NWD2: variants seen among roughly 807,000 people sequenced by gnomAD.
NWD2 encodes NACHT and WD repeat domain containing 2.
Under a neutral mutation model 132.7 loss-of-function variants are expected in NWD2, and 37 were observed. That is an observed-to-expected ratio of 0.28 (90% CI 0.21 to 0.37). The LOEUF is 0.37. Ranked by LOEUF, NWD2 falls within the 10% of genes least tolerant of loss-of-function variation. NWD2 has a pLI of 1.00. For synonymous variants in NWD2, 705 were observed against 803.0 expected (o/e 0.88, Z 2.06); for missense variants, 1,592 against 2,122.4 (o/e 0.75, Z 4.91).
intron 1 of NWD2, among the ~76,000 whole-genome samples, chr4:37,313,285 G>A (rs1577664688): frequency 1.3e-5 from 2 of 151,154 alleles, no homozygotes; most frequent in Middle Eastern, 3.4e-3. Flanking sequence ...GTGAGCTGTT[G>A]ATTATTGCCA....
chr4:37,382,822 C>G (rs919376594), intron 3 of NWD2, among the ~76,000 whole-genome samples: 1 of 152,022 alleles, frequency 6.6e-6, no homozygotes, highest in Admixed American at 6.6e-5. Context: ...TCCCGAGTAG[C>G]TGGGATTACA....
chr4:37,358,545 T>G (rs1287516018), intron 3 of NWD2, among the ~76,000 whole-genome samples: 1 of 152,190 alleles, frequency 6.6e-6, no homozygotes, highest in Non-Finnish European at 1.5e-5. Flanking sequence ...TATAGCTTCC[T>G]CTCAGGTTTT....
chr4:37,400,309 T>G (rs1393585466), intron 3 of NWD2, among the ~76,000 whole-genome samples: 2 of 152,202 alleles, frequency 1.3e-5, no homozygotes, highest in African/African-American at 2.4e-5. Flanking sequence ...GAAATTACCT[T>G]TGTGAGTTGT....
At chr4:37,385,649 AG>A (rs200985328) in intron 3 of NWD2, among the ~76,000 whole-genome samples, 2,919 of 152,316 alleles carry the variant, frequency 0.019, 95 homozygotes, top group African/African-American at 0.066. Context: ...GCACAACAAA[AG>A]TTCCACCTTA....
At chr4:37,333,509 G>A (rs1719336156) in intron 2 of NWD2, among the ~76,000 whole-genome samples, 2 of 152,144 alleles carry the variant, frequency 1.3e-5, no homozygotes, top group Non-Finnish European at 2.9e-5. Flanking sequence ...GTGTTACTGG[G>A]CTTGGAGTAT....
At chr4:37,337,389 C>T (rs1431783419) in intron 2 of NWD2, among the ~76,000 whole-genome samples, 3 of 152,006 alleles carry the variant, frequency 2.0e-5, no homozygotes, top group Non-Finnish European at 1.5e-5. Context: ...CTGGTCCCAG[C>T]CCTTTTCCTT....
intron 1 of NWD2, among the ~76,000 whole-genome samples, chr4:37,281,120 G>T (rs539665458): frequency 7.9e-5 from 12 of 152,190 alleles, no homozygotes; most frequent in African/African-American, 2.4e-4. Context: ...ACAGTCCAAG[G>T]GGGGGACATG....
chr4:37,284,831 TC>T (rs1718194537), intron 1 of NWD2, among the ~76,000 whole-genome samples: 1 of 152,118 alleles, frequency 6.6e-6, no homozygotes, highest in South Asian at 2.1e-4. Flanking sequence ...TCTCCTTGTG[TC>T]CCTTCAATGG....
Position 37,444,053 on chromosome 4 carries a change from A to G in NWD2, c.2065A>G (p.Ser689Gly). Residue 689 changes from serine to glycine, a missense_variant, in exon 7 of 7, where the codon AGT becomes GGT. Physicochemically the swap from Ser to Gly is moderately conservative, Grantham distance 56 (BLOSUM62 0). Coordinates refer to ENST00000309447, the MANE Select transcript of NWD2 (RefSeq NM_001144990.2). The surrounding 1 kb of genome is among the most constrained non-coding windows in gnomAD (Gnocchi z 4.8). ...DVLALDNSVM[S>G]ELKENTRPSN... ...GTTAGCCCTAGACAACAGTGTAATGAGTGAGCTCAAAGAAAACACCAGACC... is the reference window on the plus strand; with the variant it reads ...GTTAGCCCTAGACAACAGTGTAATGGGTGAGCTCAAAGAAAACACCAGACC... 1 of 1,551,882 alleles carries G rather than the reference A, an allele frequency of 6.4e-7. No individual in the cohort carries two copies. The highest frequency in any genetic ancestry group is 8.7e-7 in the Non-Finnish European group (1 of 1,147,038).
chr4:37,396,955 C>A (rs1170844715), intron 3 of NWD2, among the ~76,000 whole-genome samples: 1 of 152,048 alleles, frequency 6.6e-6, no homozygotes, highest in Non-Finnish European at 1.5e-5. Flanking sequence ...ATTGCTTGAA[C>A]CCAGGAGGCG....
chr4:37,402,417 A>G (rs1244774287), intron 3 of NWD2, among the ~76,000 whole-genome samples: 3 of 152,326 alleles, frequency 2.0e-5, no homozygotes, highest in Non-Finnish European at 4.4e-5. Flanking sequence ...CCCAGCAACA[A>G]ACATGGTGAT....
At chr4:37,344,925 A>G (rs563459358) in intron 2 of NWD2, among the ~76,000 whole-genome samples, 14 of 152,244 alleles carry the variant, frequency 9.2e-5, no homozygotes, top group Admixed American at 5.9e-4. Flanking sequence ...TTTTGTCTCT[A>G]TGGATTTGCC....
intron 1 of NWD2, among the ~76,000 whole-genome samples, chr4:37,266,240 A>T (rs1717749184): frequency 6.6e-6 from 1 of 152,092 alleles, no homozygotes; most frequent in South Asian, 2.1e-4. Flanking sequence ...AAACACATTT[A>T]AGCAAGATCT....
intron 3 of NWD2, among the ~76,000 whole-genome samples, chr4:37,369,165 G>A (rs533812635): frequency 6.6e-6 from 1 of 152,202 alleles, no homozygotes; most frequent in East Asian, 1.9e-4. Context: ...ACATGTTATG[G>A]AGAAACTTAT....
intron 1 of NWD2, among the ~76,000 whole-genome samples, chr4:37,261,665 A>G (rs546231200): frequency 5.9e-5 from 9 of 152,224 alleles, no homozygotes; most frequent in Non-Finnish European, 4.4e-5. Flanking sequence ...CATAGCCCCT[A>G]CTTTCATGGT....
chr4:37,257,956 T>G (rs1717553317), intron 1 of NWD2, among the ~76,000 whole-genome samples: 1 of 152,248 alleles, frequency 6.6e-6, no homozygotes, highest in African/African-American at 2.4e-5. Context: ...CACCATTTAA[T>G]GTCAGATGTG....
At chr4:37,295,182 GT>G (rs957416488) in intron 1 of NWD2, among the ~76,000 whole-genome samples, 15 of 149,170 alleles carry the variant, frequency 1.0e-4, no homozygotes, top group East Asian at 3.9e-4. Flanking sequence ...TTTCAGCTTA[GT>G]TTTTTTTTTG....
chr4:37,442,667 CAG>C (rs1460312444), intron 6 of NWD2, among the ~76,000 whole-genome samples: 1 of 152,006 alleles, frequency 6.6e-6, no homozygotes, highest in Non-Finnish European at 1.5e-5. Context: ...GATTTTATAA[CAG>C]ATAAATAATA....
intron 1 of NWD2, among the ~76,000 whole-genome samples, chr4:37,309,366 C>A (rs1718781071): frequency 6.6e-6 from 1 of 152,106 alleles, no homozygotes; most frequent in Non-Finnish European, 1.5e-5. Context: ...TACTAGATCA[C>A]CTGTTCCCTT....
Sources: allele counts gnomAD v4.1 joint callset (sites outside exome capture counted in the v4.1 genomes callset), GRCh38; gene constraint gnomAD v4.1.1; non-coding constraint Gnocchi (gnomAD v3.1); transcripts MANE v1.5; gene names NCBI Gene and HGNC (gene_info 2026-07-23, HGNC 2026-07-21).